Variants in WDR70 observed in about 807,000 individuals in gnomAD.
The protein encoded by WDR70 is WD repeat domain 70, also known as WD repeat-containing protein 70.
WDR70 carries 53 observed loss-of-function variants against 88.6 expected under a neutral mutation model. That is an observed-to-expected ratio of 0.60 (90% CI 0.48 to 0.75). The LOEUF (loss-of-function observed/expected upper bound fraction) is 0.75, where lower values mean the gene tolerates loss of function less well. Ranked by LOEUF, WDR70 falls within the 30% of genes least tolerant of loss-of-function variation. WDR70 has a pLI of 0.00. For missense variants in WDR70, 610 were observed against 823.2 expected (o/e 0.74, Z 3.17); for synonymous variants, 280 against 270.0 (o/e 1.04, Z -0.36).
intron 10 of WDR70, among the ~76,000 whole-genome samples, chr5:37,674,647 G>C (rs1421885525): frequency 6.6e-6 from 1 of 152,094 alleles, no homozygotes; most frequent in African/African-American, 2.4e-5. Context: ...GGACGTTTGG[G>C]TTGGTTCCAA....
At chr5:37,599,472 A>G (rs1381427356) in intron 9 of WDR70, among the ~76,000 whole-genome samples, 3 of 152,284 alleles carry the variant, frequency 2.0e-5, no homozygotes, top group African/African-American at 4.8e-5. Context: ...GCTGCAATAA[A>G]TAACCACTTA....
chr5:37,424,904 CA>C (rs547191717), intron 5 of WDR70, among the ~76,000 whole-genome samples: 1 of 151,776 alleles, frequency 6.6e-6, no homozygotes, highest in East Asian at 1.9e-4. Flanking sequence ...ACAAAACAGA[CA>C]AAAAAAATCT....
At chr5:37,700,969 C>T (rs577938316) in intron 11 of WDR70, 89 bp from the exon 12 acceptor site, 8 of 758,170 alleles carry the variant, frequency 1.1e-5, no homozygotes, top group African/African-American at 3.5e-5. Context: ...TACAGTTATA[C>T]ATTAAGTTTA....
At chr5:37,584,959 A>T (rs1391874101) in intron 9 of WDR70, among the ~76,000 whole-genome samples, 1 of 148,516 alleles carries the variant, frequency 6.7e-6, no homozygotes, top group Non-Finnish European at 1.5e-5. Flanking sequence ...AATAAAAAAC[A>T]GTCATCTGTA....
chr5:37,694,411 C>A (rs956830565), intron 10 of WDR70, among the ~76,000 whole-genome samples: 1 of 152,114 alleles, frequency 6.6e-6, no homozygotes, highest in Non-Finnish European at 1.5e-5. Flanking sequence ...ATGTTAATTG[C>A]GGCACTATTC....
At chr5:37,748,099 A>G (rs1298542228) in intron 17 of WDR70, among the ~76,000 whole-genome samples, 1 of 152,236 alleles carries the variant, frequency 6.6e-6, no homozygotes, top group Non-Finnish European at 1.5e-5. Context: ...ATTGCCATCA[A>G]ACTACTGTTG....
intron 9 of WDR70, among the ~76,000 whole-genome samples, chr5:37,524,773 A>G (rs1348170326): frequency 6.6e-6 from 1 of 152,210 alleles, no homozygotes; most frequent in Non-Finnish European, 1.5e-5. Flanking sequence ...CTCAAAATAA[A>G]AGGATGGAGG....
intron 10 of WDR70, among the ~76,000 whole-genome samples, chr5:37,632,455 A>G (rs1377699285): frequency 6.6e-6 from 1 of 152,170 alleles, no homozygotes; most frequent in African/African-American, 2.4e-5. Context: ...TTACCTCTGA[A>G]CACCTTTCAG....
At chr5:37,684,001 T>C (rs1463079519) in intron 10 of WDR70, among the ~76,000 whole-genome samples, 7 of 152,198 alleles carry the variant, frequency 4.6e-5, no homozygotes, top group African/African-American at 1.7e-4. Context: ...TTTGGTCTCT[T>C]TACATAATCT....
At chr5:37,403,715 T>A (rs1319406021) in intron 5 of WDR70, among the ~76,000 whole-genome samples, 2 of 152,196 alleles carry the variant, frequency 1.3e-5, no homozygotes, top group African/African-American at 2.4e-5. Context: ...TTAACTTTTT[T>A]AAAAAAATTA....
At position 37,386,095 on chromosome 5, in the gene WDR70, G is replaced by A. The variant is rs112385505; in HGVS notation, c.175+4410G>A. Among the ~76,000 whole-genome samples the A allele has an allele frequency of 3.9e-3, 595 of 151,786 alleles. 3 individuals carry two copies. Among genetic ancestry groups the A allele is most frequent in the African/African-American group, 0.014 (562 of 41,384 alleles). On this transcript the variant is annotated intron_variant, in intron 3 of 17. Coordinates refer to ENST00000265107, the MANE Select transcript of WDR70 (RefSeq NM_018034.4). ...CCCAAAGTCCTGGGATTACAGGAGT[G>A]AGCCACTGCACCTGGCCAAATATAT...
intron 8 of WDR70, among the ~76,000 whole-genome samples, chr5:37,488,342 C>T (rs1581329970): frequency 6.6e-6 from 1 of 151,882 alleles, no homozygotes; most frequent in Non-Finnish European, 1.5e-5. Flanking sequence ...ATGTCTAAGT[C>T]TCCTGTTAGA....
At chr5:37,446,941 G>T (rs1282839917) in intron 7 of WDR70, among the ~76,000 whole-genome samples, 1 of 152,138 alleles carries the variant, frequency 6.6e-6, no homozygotes, top group African/African-American at 2.4e-5. Flanking sequence ...TTGACAAATG[G>T]GATCTAATTA....
intron 7 of WDR70, among the ~76,000 whole-genome samples, chr5:37,462,317 T>A (rs1254561838): frequency 2.6e-5 from 4 of 152,102 alleles, no homozygotes; most frequent in Non-Finnish European, 4.4e-5. Flanking sequence ...TTAATTAATT[T>A]TTTGAGACAG....
intron 13 of WDR70, among the ~76,000 whole-genome samples, chr5:37,716,908 C>T (rs1261160260): frequency 6.6e-6 from 1 of 152,082 alleles, no homozygotes; most frequent in Non-Finnish European, 1.5e-5. Context: ...AATTTTGACA[C>T]TGCTAGCTCG....
chr5:37,482,664 A>G (rs1432038634), intron 8 of WDR70, among the ~76,000 whole-genome samples: 3 of 152,190 alleles, frequency 2.0e-5, no homozygotes, highest in Non-Finnish European at 4.4e-5. Context: ...GCTAGGTTGC[A>G]TGGAGGACAA....
chr5:37,388,176 A>G (rs1748685944), intron 3 of WDR70, among the ~76,000 whole-genome samples: 1 of 151,800 alleles, frequency 6.6e-6, no homozygotes, highest in Non-Finnish European at 1.5e-5. Flanking sequence ...CTAGAGTGCA[A>G]TGGGACGATC....
chr5:37,715,582 A>G (rs1001666886), intron 13 of WDR70, among the ~76,000 whole-genome samples: 1 of 152,178 alleles, frequency 6.6e-6, no homozygotes, highest in Admixed American at 6.5e-5. Flanking sequence ...TGAACTTCAG[A>G]GGGATGAAGC....
At chr5:37,701,320 C>A (rs1161946558) in intron 12 of WDR70, among the ~76,000 whole-genome samples, 178 bp downstream of exon 12, 1 of 152,074 alleles carries the variant, frequency 6.6e-6, no homozygotes, top group Non-Finnish European at 1.5e-5. Context: ...ATTCCTCAGA[C>A]TTCAAGAACT....
Sources: allele counts gnomAD v4.1 joint callset (sites outside exome capture counted in the v4.1 genomes callset), GRCh38; gene constraint gnomAD v4.1.1; transcripts MANE v1.5; gene names NCBI Gene and HGNC (gene_info 2026-07-23, HGNC 2026-07-21).